DOCK3: variants seen among roughly 807,000 people sequenced by gnomAD.
DOCK3 encodes dedicator of cytokinesis 3.
Under a neutral mutation model 265.6 loss-of-function variants are expected in DOCK3, and 60 were observed. The ratio of observed to expected loss-of-function variants is 0.23; its 90% CI spans 0.18 to 0.28. The LOEUF (loss-of-function observed/expected upper bound fraction) is 0.28. Ranked by LOEUF, DOCK3 falls within the 10% of genes least tolerant of loss-of-function variation. The probability of loss-of-function intolerance (pLI) is 1.00; values close to 1 mark genes in which losing one functional copy is unlikely to be tolerated. For synonymous variants in DOCK3, 881 were observed against 938.0 expected, an observed-to-expected ratio of 0.94 and a Z score of 1.11; for missense variants, 1,981 against 2,594.3, an observed-to-expected ratio of 0.76 and a Z score of 5.14.
At chr3:50,700,851 A>G (rs1184173700) in intron 1 of DOCK3, among the ~76,000 whole-genome samples, 1 of 152,192 alleles carries the variant, frequency 6.6e-6, no homozygotes, top group Non-Finnish European at 1.5e-5. Context: ...TCTATATAGT[A>G]TAGTATAGTA....
intron 3 of DOCK3, among the ~76,000 whole-genome samples, chr3:50,887,165 A>G (rs2048388018): frequency 6.6e-6 from 1 of 152,080 alleles, no homozygotes; most frequent in Non-Finnish European, 1.5e-5. Flanking sequence ...ACGCAATAAA[A>G]AATGATAAAG....
intron 7 of DOCK3, among the ~76,000 whole-genome samples, chr3:51,087,228 A>G (rs891713253): frequency 6.6e-6 from 1 of 152,200 alleles, no homozygotes; most frequent in Admixed American, 6.5e-5. Flanking sequence ...CAGACACAAA[A>G]ATCCTCAGCA....
intron 4 of DOCK3, among the ~76,000 whole-genome samples, chr3:50,924,363 C>T (rs922726855): frequency 6.6e-6 from 1 of 152,160 alleles, no homozygotes; most frequent in Non-Finnish European, 1.5e-5. Flanking sequence ...CTTCTATAGT[C>T]TTGTCTATTG....
intron 24 of DOCK3, among the ~76,000 whole-genome samples, chr3:51,274,220 A>G (rs932268073): frequency 1.3e-5 from 2 of 152,212 alleles, no homozygotes; most frequent in African/African-American, 4.8e-5. Flanking sequence ...GTCATGCTTC[A>G]ATTGTGTTCA....
chr3:50,675,949 G>A lies in DOCK3; in HGVS notation c.37+649G>A, dbSNP rs2033925952. On this transcript the variant is annotated intron_variant, in intron 1 of 52. Coordinates refer to ENST00000266037, the MANE Select transcript of DOCK3 (RefSeq NM_004947.5). The surrounding 1 kb of genome is among the most constrained non-coding windows in gnomAD (Gnocchi z 6.1). ...CTCTTAGAAACCTTTTTTTAATGTTGTAAGTGTTAAACTCCAGAAGCTAAA... is the reference window on the plus strand; with the variant it reads ...CTCTTAGAAACCTTTTTTTAATGTTATAAGTGTTAAACTCCAGAAGCTAAA... Among the ~76,000 whole-genome samples, 1 of 151,354 alleles carries A rather than the reference G, an allele frequency of 6.6e-6. No individual in the cohort carries two copies. The highest frequency in any genetic ancestry group is 1.5e-5 in the Non-Finnish European group (1 of 67,882).
intron 2 of DOCK3, among the ~76,000 whole-genome samples, chr3:50,821,437 C>T (rs1455340410): frequency 2.6e-5 from 4 of 151,918 alleles, no homozygotes; most frequent in Non-Finnish European, 5.9e-5. Flanking sequence ...GTAGCTGGGA[C>T]TACAGGTGAC....
At chr3:50,742,588 G>C (rs1237110397) in intron 1 of DOCK3, among the ~76,000 whole-genome samples, 1 of 152,240 alleles carries the variant, frequency 6.6e-6, no homozygotes, top group East Asian at 1.9e-4. Flanking sequence ...CTGGAAGAAA[G>C]GGTATCAGCG....
intron 2 of DOCK3, 21 bp from the exon 3 acceptor site, chr3:50,841,653 AT>A (rs2045839543): frequency 8.1e-7 from 1 of 1,242,048 alleles, no homozygotes; most frequent in Admixed American, 2.7e-5. Context: ...TGATTTTAAT[AT>A]TCTCTTATGC....
At chr3:50,937,058 C>T (rs2051404347) in intron 5 of DOCK3, among the ~76,000 whole-genome samples, 1 of 150,200 alleles carries the variant, frequency 6.7e-6, no homozygotes, top group Non-Finnish European at 1.5e-5. Context: ...GGGTAGATCA[C>T]CTGAGGTCAG....
intron 10 of DOCK3, among the ~76,000 whole-genome samples, chr3:51,147,283 C>T (rs2085342405): frequency 1.3e-5 from 2 of 152,160 alleles, no homozygotes; most frequent in Non-Finnish European, 2.9e-5. Flanking sequence ...TACAGCAAGA[C>T]AAACTAAATA....
At chr3:50,710,809 G>A (rs2036714170) in intron 1 of DOCK3, among the ~76,000 whole-genome samples, 1 of 152,208 alleles carries the variant, frequency 6.6e-6, no homozygotes, top group Non-Finnish European at 1.5e-5. Context: ...GGACAGCATG[G>A]ACTACTACTC....
At chr3:51,281,274 A>AATATATATATATATATATATAT (rs56084027) in intron 27 of DOCK3, among the ~76,000 whole-genome samples, 93 of 125,642 alleles carry the variant, frequency 7.4e-4, no homozygotes, top group African/African-American at 2.5e-3. Flanking sequence ...GATGAGCTAA[A>AATATATATATATATATATATAT]ATATATATAT....
chr3:50,942,091 A>G (rs2076311704), intron 5 of DOCK3, among the ~76,000 whole-genome samples: 1 of 152,068 alleles, frequency 6.6e-6, no homozygotes, highest in African/African-American at 2.4e-5. Context: ...AGATCTTATC[A>G]ATGGATGAAG....
At position 50,675,729 on chromosome 3, in the gene DOCK3, A is replaced by G. The variant is rs544567711; in HGVS notation, c.37+429A>G. Among the ~76,000 whole-genome samples, 65 of 152,368 alleles carry G rather than the reference A, an allele frequency of 4.3e-4. No individual in the cohort carries two copies. Among genetic ancestry groups the G allele is most frequent in the African/African-American group, 1.5e-3 (64 of 41,598 alleles). Reference sequence around the variant, plus strand: ...TATTTTTGATCTGGAACCTTACAAGAAAACGGATGAAAAACGTTGACATCA... The same window carrying G: ...TATTTTTGATCTGGAACCTTACAAGGAAACGGATGAAAAACGTTGACATCA... On this transcript the variant is annotated intron_variant, in intron 1 of 52. Transcript: ENST00000266037. This position sits in a 1 kb window ranked among gnomAD's most constrained non-coding sequence, Gnocchi z 6.1.
chr3:51,049,443 A>G (rs1427036936), intron 5 of DOCK3, among the ~76,000 whole-genome samples: 2 of 152,172 alleles, frequency 1.3e-5, no homozygotes, highest in African/African-American at 2.4e-5. Flanking sequence ...TCCTCTAGGG[A>G]TCAGGAGGCA....
chr3:51,370,700 A>G lies in DOCK3; in HGVS notation c.5294-3769A>G, dbSNP rs78420433. 1.4e-3 allele frequency among the ~76,000 whole-genome samples: 211 copies of G among 152,328 alleles called. 3 individuals are homozygous for G. The East Asian group carries it at 0.034, about 24-fold the overall frequency. On this transcript the variant is annotated intron_variant, in intron 49 of 52. Coordinates refer to ENST00000266037, the MANE Select transcript of DOCK3 (RefSeq NM_004947.5). ...CTGGAAATAACTCATTTTTACTTCA[A>G]ATGGCTTGGTTATCTGTTGCTGCAT...
At chr3:51,290,782 T>C (rs987532263) in intron 27 of DOCK3, among the ~76,000 whole-genome samples, 3 of 152,012 alleles carry the variant, frequency 2.0e-5, no homozygotes, top group Admixed American at 1.3e-4. Flanking sequence ...GGTCAAAAAT[T>C]ATAAAAAGAG....
At chr3:50,893,953 T>A (rs1396284675) in intron 4 of DOCK3, among the ~76,000 whole-genome samples, 6 of 117,596 alleles carry the variant, frequency 5.1e-5, no homozygotes, top group Non-Finnish European at 9.7e-5. Context: ...AAGGGGAACA[T>A]CACACACCGG....
intron 2 of DOCK3, among the ~76,000 whole-genome samples, chr3:50,788,568 A>G (rs1005360694): frequency 6.6e-6 from 1 of 152,220 alleles, no homozygotes; most frequent in Non-Finnish European, 1.5e-5. Context: ...GCCTAGATCA[A>G]TGCCTTGGCA....
Sources: allele counts gnomAD v4.1 joint callset (sites outside exome capture counted in the v4.1 genomes callset), GRCh38; gene constraint gnomAD v4.1.1; non-coding constraint Gnocchi (gnomAD v3.1); transcripts MANE v1.5; gene names NCBI Gene and HGNC (gene_info 2026-07-23, HGNC 2026-07-21).